CDK5RAP2: variants seen among roughly 807,000 people sequenced by gnomAD.
CDK5RAP2 encodes CDK5 regulatory subunit associated protein 2, also known as CDK5 regulatory subunit-associated protein 2.
CDK5RAP2 carries 147 observed loss-of-function variants against 232.9 expected under a neutral mutation model. That is an observed-to-expected ratio of 0.63 (90% confidence interval 0.55 to 0.72). CDK5RAP2 has a LOEUF of 0.72. CDK5RAP2 is among the 30% of genes least tolerant of loss of function. CDK5RAP2 has a pLI of 0.00. For synonymous variants in CDK5RAP2, 833 were observed against 833.7 expected (o/e 1.00, Z 0.01); for missense variants, 2,195 against 2,231.5 (o/e 0.98, Z 0.33).
intron 4 of CDK5RAP2, among the ~76,000 whole-genome samples, chr9:120,546,198 G>A (rs2041835554): frequency 6.6e-6 from 1 of 152,108 alleles, no homozygotes; most frequent in Admixed American, 6.5e-5. Context: ...TGCATGTGGT[G>A]GATGCAGCAG....
At chr9:120,466,607 T>C (rs1172463759) in intron 18 of CDK5RAP2, among the ~76,000 whole-genome samples, 1 of 152,182 alleles carries the variant, frequency 6.6e-6, no homozygotes, top group Non-Finnish European at 1.5e-5. Context: ...CAAATGAAGT[T>C]GGTGAAGAAT....
intron 36 of CDK5RAP2, among the ~76,000 whole-genome samples, chr9:120,391,549 C>A (rs1029048048): frequency 6.6e-6 from 1 of 152,142 alleles, no homozygotes; most frequent in East Asian, 1.9e-4. Context: ...CTGAATACTC[C>A]CCCACCCTAT....
intron 12 of CDK5RAP2, among the ~76,000 whole-genome samples, chr9:120,495,812 GC>G (rs1426171147): frequency 2.3e-5 from 1 of 44,116 alleles, no homozygotes; most frequent in African/African-American, 1.1e-4. Context: ...GGGGGGGTCA[GC>G]CCCCCGCCCG....
intron 21 of CDK5RAP2, 51 bp from the exon 22 acceptor site, chr9:120,448,177 G>C (rs779243300): frequency 2.1e-6 from 3 of 1,420,076 alleles, no homozygotes; most frequent in Non-Finnish European, 3.0e-6. Context: ...CACTTCCTTT[G>C]GTTGCACAGT....
At chr9:120,579,715 T>C (rs988172463) in intron 1 of CDK5RAP2, among the ~76,000 whole-genome samples, 1 of 152,220 alleles carries the variant, frequency 6.6e-6, no homozygotes, top group Non-Finnish European at 1.5e-5. Flanking sequence ...GCAATGCTAC[T>C]GGCAATTGTG....
chr9:120,482,580 T>C (rs1325501276), intron 14 of CDK5RAP2, among the ~76,000 whole-genome samples: 1 of 152,166 alleles, frequency 6.6e-6, no homozygotes, highest in Non-Finnish European at 1.5e-5. Flanking sequence ...CAAGCCCTTC[T>C]TTGACTGATA....
chr9:120,533,755 G>A (rs559724003), intron 7 of CDK5RAP2, among the ~76,000 whole-genome samples: 7 of 135,466 alleles, frequency 5.2e-5, no homozygotes, highest in African/African-American at 1.4e-4. Flanking sequence ...CCAAGATCAC[G>A]CCACTGCACT....
chr9:120,554,680 C>T (rs2042160335), intron 3 of CDK5RAP2, among the ~76,000 whole-genome samples: 1 of 152,130 alleles, frequency 6.6e-6, no homozygotes, highest in African/African-American at 2.4e-5. Flanking sequence ...GTCACCCAGG[C>T]TGGAGTGCAA....
intron 5 of CDK5RAP2, among the ~76,000 whole-genome samples, chr9:120,540,229 G>A (rs1417163107): frequency 6.6e-6 from 1 of 152,192 alleles, no homozygotes; most frequent in African/African-American, 2.4e-5. Context: ...GACTGTATGA[G>A]CAGTCCTCGT....
chr9:120,443,807 A>G, intron 22 of CDK5RAP2, 65 bp from the exon 23 acceptor site: 1 of 1,602,944 alleles, frequency 6.2e-7, no homozygotes, highest in Non-Finnish European at 8.5e-7. Context: ...TTAGCCAAGC[A>G]ACTGAGAAGA....
chr9:120,416,995 T>C (rs2034258690), intron 27 of CDK5RAP2, among the ~76,000 whole-genome samples: 1 of 152,258 alleles, frequency 6.6e-6, no homozygotes, highest in African/African-American at 2.4e-5. Context: ...TGGCAAGTAA[T>C]TTGGTGGAAT....
intron 21 of CDK5RAP2, among the ~76,000 whole-genome samples, chr9:120,448,665 C>G (rs1483901006): frequency 2.0e-5 from 3 of 152,202 alleles, no homozygotes; most frequent in Admixed American, 2.0e-4. Context: ...CACCCCGTGT[C>G]TCCGCTGCAA....
chr9:120,397,601 AT>A (rs1232577610), intron 35 of CDK5RAP2, among the ~76,000 whole-genome samples: 1 of 150,844 alleles, frequency 6.6e-6, no homozygotes, highest in Non-Finnish European at 1.5e-5. Context: ...ACACAGTATC[AT>A]TATGACACCT....
At chr9:120,548,937 AC>A in intron 4 of CDK5RAP2, among the ~76,000 whole-genome samples, 1 of 152,370 alleles carries the variant, frequency 6.6e-6, no homozygotes, top group African/African-American at 2.4e-5. Context: ...CAGGTGGATC[AC>A]TTGAGGCCAG....
intron 3 of CDK5RAP2, among the ~76,000 whole-genome samples, chr9:120,559,632 A>AT (rs954086849): frequency 2.6e-5 from 4 of 151,880 alleles, no homozygotes; most frequent in Non-Finnish European, 5.9e-5. Flanking sequence ...TACAGTAGGA[A>AT]TAATTACCCA....
Position 120,460,456 on chromosome 9 carries a change from G to C in CDK5RAP2, c.2202+116C>G, listed in dbSNP as rs1213735364. The C allele has an allele frequency of 5.4e-6, 5 of 922,722 alleles. No homozygotes were observed. The East Asian group carries it at 1.3e-4, about 24-fold the overall frequency. 57.2% of individuals were successfully genotyped at this position (922,722 alleles called of 1,614,324 possible). A position where few individuals can be genotyped will look rare whatever the true frequency, so the allele number is the denominator to read the frequency against. ...CTTTGCTTTCCACTGGCACATGAAA[G>C]GTACAGGATATAGGCAGAATGAACA... On this transcript the variant is annotated intron_variant, in intron 19 of 37. Coordinates refer to ENST00000349780, the MANE Select transcript of CDK5RAP2 (RefSeq NM_018249.6).
rs139597967 is a variant in CDK5RAP2 at position 120,525,474 on chromosome 9, T to C, written c.1000-396A>G. Among the ~76,000 whole-genome samples the C allele has an allele frequency of 2.4e-3, 362 of 152,168 alleles. 6 individuals are homozygous for C. The highest frequency in any genetic ancestry group is 0.012 in the South Asian group (58 of 4,822). On this transcript the variant is annotated intron_variant, in intron 10 of 37. Transcript: ENST00000349780. Reference sequence around the variant, plus strand: ...CTCAGCCTCCAGTGACTTTCTCCTATACCCCGGAGTTGGCCATGAACAACC... The same window carrying C: ...CTCAGCCTCCAGTGACTTTCTCCTACACCCCGGAGTTGGCCATGAACAACC...
At chr9:120,466,082 A>G (rs1043609686) in intron 18 of CDK5RAP2, among the ~76,000 whole-genome samples, 1 of 152,224 alleles carries the variant, frequency 6.6e-6, no homozygotes, top group Non-Finnish European at 1.5e-5. Context: ...AAAAATACTG[A>G]ATTTTAAAAA....
At chr9:120,410,643 C>CTGAG (rs1159048171) in intron 29 of CDK5RAP2, among the ~76,000 whole-genome samples, 2 of 152,194 alleles carry the variant, frequency 1.3e-5, no homozygotes, top group African/African-American at 2.4e-5. Context: ...GGAAATGTTG[C>CTGAG]TGAGTGAATG....
Sources: gnomAD v4.1 joint callset for allele counts (sites outside exome capture counted in the v4.1 genomes callset) on GRCh38, gnomAD v4.1.1 for gene constraint, MANE v1.5 for transcripts, NCBI Gene and HGNC (gene_info 2026-07-23, HGNC 2026-07-21) for gene names.